The following RHOU variants were observed in gnomAD, a reference collection of about 807,000 sequenced individuals.
The protein encoded by RHOU is rho-related GTP-binding protein RhoU.
In RHOU, 8 loss-of-function variants were observed where a neutral mutation model predicts 12.6. The ratio of observed to expected loss-of-function variants is 0.64; its 90% CI spans 0.37 to 1.15. The LOEUF is 1.15. RHOU is among the 50% of genes most tolerant of loss of function. The pLI is 0.01. For missense variants in RHOU, 258 were observed against 347.0 expected, an observed-to-expected ratio of 0.74 and a Z score of 2.04; for synonymous variants, 161 against 147.4, an observed-to-expected ratio of 1.09 and a Z score of -0.67.
chr1:228,692,682 A>G, the RHOU span, among the ~76,000 whole-genome samples: 1 of 151,988 alleles, frequency 6.6e-6, no homozygotes, highest in Non-Finnish European at 1.5e-5. Flanking sequence ...CCATCCTCCC[A>G]CCTTGGCCTC....
chr1:228,660,661 C>T, the RHOU span, among the ~76,000 whole-genome samples: 27 of 151,630 alleles, frequency 1.8e-4, no homozygotes, highest in African/African-American at 5.6e-4. Context: ...TGCCTGGGTG[C>T]GGTGGCTCAC....
At chr1:228,689,819 C>T in the RHOU span, among the ~76,000 whole-genome samples, 13 of 151,776 alleles carry the variant, frequency 8.6e-5, no homozygotes, top group South Asian at 2.1e-4. Flanking sequence ...ACCCCTAGTT[C>T]GTGGAAAAAT....
the RHOU span, among the ~76,000 whole-genome samples, chr1:228,668,203 C>T: frequency 6.6e-6 from 1 of 152,212 alleles, no homozygotes. Flanking sequence ...GGGACAGAAG[C>T]ATCTGTGCTT....
At chr1:228,719,575 T>C in the RHOU span, among the ~76,000 whole-genome samples, 5 of 151,752 alleles carry the variant, frequency 3.3e-5, no homozygotes, top group East Asian at 7.7e-4. Context: ...ACTAAAAATA[T>C]AAAAATTAGC....
At chr1:228,683,411 A>G in the RHOU span, among the ~76,000 whole-genome samples, 3 of 152,212 alleles carry the variant, frequency 2.0e-5, no homozygotes, top group Non-Finnish European at 4.4e-5. Context: ...GATGGAGCTT[A>G]CTTAGGAGAT....
At chr1:228,650,194 C>T in the RHOU span, 1 of 456,746 alleles carries the variant, frequency 2.2e-6, no homozygotes, top group Non-Finnish European at 4.4e-6. Context: ...GGCTGCAGCC[C>T]CATGGGTCGC....
the RHOU span, among the ~76,000 whole-genome samples, chr1:228,706,104 C>T: frequency 6.6e-6 from 1 of 152,100 alleles, no homozygotes; most frequent in Non-Finnish European, 1.5e-5. Context: ...ACACAAATTT[C>T]TGGAACTTCA....
the RHOU span, among the ~76,000 whole-genome samples, chr1:228,674,672 T>G: frequency 6.6e-6 from 1 of 151,624 alleles, no homozygotes; most frequent in Non-Finnish European, 1.5e-5. Context: ...TACCCGCTAA[T>G]AAATGATTTC....
At position 228,736,023 on chromosome 1, in the gene RHOU, CG is replaced by C. The variant is rs1289514368; in HGVS notation, c.262+23del. ...TTCTCCGGTGAGCTGGCCGGGGGGC[CG>C]GGGCCGGGGGCGCGTGGCCGCGGTC... is the stretch of plus-strand genomic sequence containing the variant. On this transcript the variant is annotated intron_variant, in intron 1 of 2. Transcript: ENST00000366691. The C allele has an allele frequency of 1.3e-6, 2 of 1,563,456 alleles. No individual in the cohort carries two copies. The highest frequency in any genetic ancestry group is 8.6e-7 in the Non-Finnish European group (1 of 1,162,318).
the RHOU span, chr1:228,652,621 A>T: frequency 2.6e-5 from 4 of 152,192 alleles, no homozygotes; most frequent in African/African-American, 9.6e-5. Context: ...TTTTAAAAAA[A>T]ATTTTATATT....
chr1:228,667,498 G>A, the RHOU span, among the ~76,000 whole-genome samples: 1 of 152,284 alleles, frequency 6.6e-6, no homozygotes, highest in African/African-American at 2.4e-5. Flanking sequence ...AGCAGTCGGG[G>A]ATGTAGGATG....
chr1:228,668,388 G>A, the RHOU span, among the ~76,000 whole-genome samples: 3 of 152,218 alleles, frequency 2.0e-5, no homozygotes, highest in African/African-American at 7.2e-5. Flanking sequence ...TGATGAGAAG[G>A]ATGGATGGCC....
At chr1:228,715,990 C>T in the RHOU span, among the ~76,000 whole-genome samples, 1 of 151,142 alleles carries the variant, frequency 6.6e-6, no homozygotes, top group South Asian at 2.1e-4. Flanking sequence ...TCATGATTCA[C>T]TGCAGTCAAC....
chr1:228,706,579 A>G, the RHOU span, among the ~76,000 whole-genome samples: 1 of 152,230 alleles, frequency 6.6e-6, no homozygotes, highest in African/African-American at 2.4e-5. Context: ...GTTACAGTTC[A>G]TTATGTATGG....
the RHOU span, among the ~76,000 whole-genome samples, chr1:228,727,371 G>A: frequency 1.8e-4 from 28 of 151,890 alleles, no homozygotes; most frequent in Middle Eastern, 3.4e-3. Context: ...ACAGTGGCAC[G>A]ATCTCAGCTC....
the RHOU span, among the ~76,000 whole-genome samples, chr1:228,663,240 CT>C: frequency 2.6e-5 from 4 of 152,198 alleles, no homozygotes; most frequent in Admixed American, 2.0e-4. Flanking sequence ...GGACAGAGAC[CT>C]TGTGTGGTGT....
chr1:228,669,168 T>C, the RHOU span, among the ~76,000 whole-genome samples: 1 of 152,228 alleles, frequency 6.6e-6, no homozygotes, highest in Non-Finnish European at 1.5e-5. Flanking sequence ...CTTGAACTTC[T>C]ACAAGGAACA....
the RHOU span, among the ~76,000 whole-genome samples, chr1:228,649,623 A>C: frequency 1.3e-5 from 2 of 152,234 alleles, no homozygotes; most frequent in African/African-American, 4.8e-5. Flanking sequence ...GTTTTGATAA[A>C]GTGTTTTTAA....
At chr1:228,681,376 G>C in the RHOU span, among the ~76,000 whole-genome samples, 446 of 152,232 alleles carry the variant, frequency 2.9e-3, 4 homozygotes, top group Middle Eastern at 0.024. Flanking sequence ...CGGGGAGCGA[G>C]CTGAGGAGGA....
Sources: allele counts gnomAD v4.1 joint callset (sites outside exome capture counted in the v4.1 genomes callset), GRCh38; gene constraint gnomAD v4.1.1; transcripts MANE v1.5; gene names NCBI Gene and HGNC (gene_info 2026-07-23, HGNC 2026-07-21).